MARCHF1: variants seen among roughly 807,000 people sequenced by gnomAD.
MARCHF1 encodes the protein membrane associated ring-CH-type finger 1.
Under a neutral mutation model 54.2 loss-of-function variants are expected in MARCHF1, and 40 were observed. That is an observed-to-expected ratio of 0.74 (90% CI 0.57 to 0.96). The LOEUF (loss-of-function observed/expected upper bound fraction) is 0.96. Among genes scored for constraint, MARCHF1 ranks in the 40% least tolerant of loss-of-function variants. The pLI is 0.00. For missense variants in MARCHF1, 586 were observed against 656.5 expected (o/e 0.89, Z 1.17); for synonymous variants, 236 against 236.3 (o/e 1.00, Z 0.01).
At chr4:164,359,281 G>T (rs1730655866) in intron 1 of MARCHF1, among the ~76,000 whole-genome samples, 1 of 152,172 alleles carries the variant, frequency 6.6e-6, no homozygotes, top group African/African-American at 2.4e-5. Flanking sequence ...GTTTGGGGAA[G>T]AATTTGTTCT....
chr4:163,943,624 A>T lies in MARCHF1; in HGVS notation c.-39+44877T>A, dbSNP rs1751960712. Among the ~76,000 whole-genome samples the T allele has an allele frequency of 2.0e-5, 3 of 152,058 alleles. No individual in the cohort carries two copies. The South Asian group carries it at 6.2e-4, about 31-fold the overall frequency. ...TTGGGAGGAGGGAGAGGATCAGGAAAAATAACTAATGGGTAACAGACTTAA... is the reference window on the plus strand; with the variant it reads ...TTGGGAGGAGGGAGAGGATCAGGAATAATAACTAATGGGTAACAGACTTAA... On this transcript the variant is annotated intron_variant, in intron 3 of 9. Coordinates refer to ENST00000514618, the MANE Select transcript of MARCHF1 (RefSeq NM_001394959.1).
At chr4:163,931,584 C>T (rs898789781) in intron 3 of MARCHF1, among the ~76,000 whole-genome samples, 1 of 152,134 alleles carries the variant, frequency 6.6e-6, no homozygotes, top group Non-Finnish European at 1.5e-5. Context: ...TCTTGGACTT[C>T]TCAGCTTCCA....
chr4:163,638,394 T>G (rs532684700), intron 5 of MARCHF1, among the ~76,000 whole-genome samples: 1 of 152,204 alleles, frequency 6.6e-6, no homozygotes, highest in South Asian at 2.1e-4. Flanking sequence ...TCCAGTTGTT[T>G]AAAAGTATAC....
At chr4:164,292,989 T>C (rs1734320712) in intron 1 of MARCHF1, among the ~76,000 whole-genome samples, 1 of 152,152 alleles carries the variant, frequency 6.6e-6, no homozygotes, top group South Asian at 2.1e-4. Flanking sequence ...TCTCCAGTCA[T>C]TTTTCTTTAA....
At chr4:163,982,380 A>C (rs2110871125) in intron 3 of MARCHF1, among the ~76,000 whole-genome samples, 1 of 152,330 alleles carries the variant, frequency 6.6e-6, no homozygotes, top group African/African-American at 2.4e-5. Flanking sequence ...GCTCTGGGTA[A>C]ATGTGCTCTC....
At chr4:163,742,397 CCCTTCCTT>C (rs201806407) in intron 4 of MARCHF1, among the ~76,000 whole-genome samples, 3,785 of 91,246 alleles carry the variant, frequency 0.041, 77 homozygotes, top group Non-Finnish European at 0.048. Flanking sequence ...CTTCCTTCCT[CCCTTCCTT>C]CCTTCCTTCC....
chr4:163,606,112 G>T (rs553667942), intron 7 of MARCHF1, among the ~76,000 whole-genome samples: 1 of 152,082 alleles, frequency 6.6e-6, no homozygotes, highest in Non-Finnish European at 1.5e-5. Flanking sequence ...ATGGTACAAA[G>T]TATATCCTCA....
intron 2 of MARCHF1, among the ~76,000 whole-genome samples, chr4:164,007,667 TGTG>T (rs1753327165): frequency 6.6e-6 from 1 of 151,488 alleles, no homozygotes; most frequent in Non-Finnish European, 1.5e-5. Flanking sequence ...TGTGTGTGTG[TGTG>T]TGTGTGTGTG....
chr4:164,199,822 C>T (rs556321652), intron 1 of MARCHF1, among the ~76,000 whole-genome samples: 1 of 152,228 alleles, frequency 6.6e-6, no homozygotes, highest in South Asian at 2.1e-4. Flanking sequence ...AGTGGCTTCC[C>T]AATATCTTAT....
chr4:163,745,406 C>A (rs555541001), intron 4 of MARCHF1, among the ~76,000 whole-genome samples: 1 of 151,818 alleles, frequency 6.6e-6, no homozygotes, highest in Non-Finnish European at 1.5e-5. Context: ...AGCCACCATG[C>A]CCAGCCACCA....
At chr4:164,136,473 A>G (rs2110838937) in intron 1 of MARCHF1, among the ~76,000 whole-genome samples, 1 of 152,080 alleles carries the variant, frequency 6.6e-6, no homozygotes, top group East Asian at 1.9e-4. Flanking sequence ...AACACTGCTC[A>G]AGAGCCACCT....
intron 3 of MARCHF1, among the ~76,000 whole-genome samples, chr4:163,942,600 T>C (rs574339507): frequency 1.3e-5 from 2 of 152,246 alleles, no homozygotes; most frequent in Non-Finnish European, 2.9e-5. Context: ...ATATATAATG[T>C]CCATGCCAAG....
At chr4:163,609,911 G>A (rs1741275895) in intron 7 of MARCHF1, among the ~76,000 whole-genome samples, 1 of 151,854 alleles carries the variant, frequency 6.6e-6, no homozygotes. Context: ...GAATATGTAA[G>A]TTTTCTTCAA....
intron 2 of MARCHF1, among the ~76,000 whole-genome samples, chr4:164,052,135 G>GTTT (rs5863653): frequency 1.6e-5 from 2 of 123,746 alleles, no homozygotes; most frequent in African/African-American, 2.9e-5. Context: ...TCTTTTGGAA[G>GTTT]TTTTTTTTTT....
At chr4:164,160,696 C>G (rs1730209074) in intron 1 of MARCHF1, among the ~76,000 whole-genome samples, 1 of 152,176 alleles carries the variant, frequency 6.6e-6, no homozygotes. Flanking sequence ...CAACCACTGA[C>G]AGTGAGTGCT....
intron 7 of MARCHF1, among the ~76,000 whole-genome samples, chr4:163,592,041 A>AT (rs2110850445): frequency 6.6e-6 from 1 of 152,294 alleles, no homozygotes; most frequent in Non-Finnish European, 1.5e-5. Context: ...AGGCATTATA[A>AT]GCCAGATTTC....
rs533386616 is a variant in MARCHF1 at position 163,666,835 on chromosome 4, A to G, written c.162+33978T>C. ...AACAATTTAGAATTCTAGCTTAACA[A>G]AGGTAAATAGAAATGACACTAAAAC... On this transcript the variant is annotated intron_variant, in intron 5 of 9. Transcript: ENST00000514618. 2.0e-5 allele frequency among the ~76,000 whole-genome samples: 3 copies of G among 152,246 alleles called. No homozygotes were observed. The South Asian group carries it at 6.2e-4, about 32-fold the overall frequency.
intron 4 of MARCHF1, among the ~76,000 whole-genome samples, chr4:163,811,261 A>ATTGTTTAGTGGCACTAAACAATTTATT (rs1553954328): frequency 2.9e-4 from 15 of 51,966 alleles, no homozygotes; most frequent in East Asian, 9.8e-4. Context: ...GGCACTAAAC[A>ATTGTTTAGTGGCACTAAACAATTTATT]TTGTTTAGTG....
At chr4:163,617,681 T>C (rs1741558785) in intron 5 of MARCHF1, among the ~76,000 whole-genome samples, 1 of 152,168 alleles carries the variant, frequency 6.6e-6, no homozygotes, top group South Asian at 2.1e-4. Flanking sequence ...TTATTCTATG[T>C]ATGGCCATAG....
Sources: gnomAD v4.1 joint callset for allele counts (sites outside exome capture counted in the v4.1 genomes callset) on GRCh38, gnomAD v4.1.1 for gene constraint, MANE v1.5 for transcripts, NCBI Gene and HGNC (gene_info 2026-07-23, HGNC 2026-07-21) for gene names.